The following CLHC1 variants were observed in gnomAD, a reference collection of about 807,000 sequenced individuals.
CLHC1 encodes clathrin heavy chain linker domain-containing protein 1.
In CLHC1, 72 loss-of-function variants were observed where a neutral mutation model predicts 69.5. The ratio of observed to expected loss-of-function variants is 1.04; its 90% CI spans 0.86 to 1.26. The LOEUF (loss-of-function observed/expected upper bound fraction) is 1.26. CLHC1 is among the 50% of genes most tolerant of loss of function. The pLI is 0.00. For missense variants in CLHC1, 790 were observed against 679.3 expected (o/e 1.16, Z -1.81); for synonymous variants, 223 against 224.3 (o/e 0.99, Z 0.05).
In CLHC1 at chr2:55,204,072, G is replaced by T. The variant is rs181521574; in HGVS notation, c.1006+2198C>A. 3.6e-4 allele frequency among the ~76,000 whole-genome samples: 55 copies of T among 152,290 alleles called. 1 individual carries two copies. Among genetic ancestry groups the T allele is most frequent in the African/African-American group, 1.2e-3 (49 of 41,548 alleles). On this transcript the variant is annotated intron_variant, in intron 9 of 12. Coordinates refer to ENST00000401408, the MANE Select transcript of CLHC1 (RefSeq NM_152385.4). ...GGCCAAGGCAGGTGGATCACCTAAGGTCAGGAGTTAGAGACCAGCCTGACC... is the reference window on the plus strand; with the variant it reads ...GGCCAAGGCAGGTGGATCACCTAAGTTCAGGAGTTAGAGACCAGCCTGACC...
intron 9 of CLHC1, among the ~76,000 whole-genome samples, chr2:55,204,201 T>C (rs928910527): frequency 1.3e-4 from 20 of 152,246 alleles, no homozygotes; most frequent in Admixed American, 2.0e-4. Flanking sequence ...GGAGAATCAC[T>C]TGGACCTGGG....
intron 5 of CLHC1, among the ~76,000 whole-genome samples, chr2:55,210,721 C>G (rs998833541): frequency 2.6e-5 from 4 of 152,162 alleles, no homozygotes; most frequent in African/African-American, 7.2e-5. Flanking sequence ...ATAGCTAACC[C>G]CAGAGTAATC....
chr2:55,203,433 A>T (rs1231844854), intron 9 of CLHC1, among the ~76,000 whole-genome samples: 1 of 152,240 alleles, frequency 6.6e-6, no homozygotes, highest in Non-Finnish European at 1.5e-5. Context: ...ATAGTAACCA[A>T]AACAGCACGG....
intron 9 of CLHC1, among the ~76,000 whole-genome samples, chr2:55,198,432 C>T (rs1473657372): frequency 6.6e-6 from 1 of 151,918 alleles, no homozygotes; most frequent in Non-Finnish European, 1.5e-5. Context: ...CTAAAAAATA[C>T]AAAAATTAGC....
At chr2:55,176,148 C>T (rs546681308) in intron 12 of CLHC1, among the ~76,000 whole-genome samples, 162 bp from the exon 13 acceptor site, 183 of 152,166 alleles carry the variant, frequency 1.2e-3, no homozygotes, top group Non-Finnish European at 2.2e-3. Context: ...CTCAGTCAAG[C>T]TCATGGTAAG....
intron 9 of CLHC1, among the ~76,000 whole-genome samples, chr2:55,195,113 T>A (rs143364963): frequency 6.6e-5 from 10 of 152,250 alleles, no homozygotes; most frequent in African/African-American, 2.4e-4. Context: ...ATAGTATTAT[T>A]AACTATAGTC....
chr2:55,213,228 G>A (rs983817008), intron 4 of CLHC1, among the ~76,000 whole-genome samples: 6 of 152,138 alleles, frequency 3.9e-5, no homozygotes, highest in East Asian at 1.9e-4. Context: ...CAGTATCACC[G>A]GACCAAAATC....
intron 9 of CLHC1, among the ~76,000 whole-genome samples, chr2:55,184,071 G>A (rs1647160453): frequency 1.3e-5 from 2 of 150,278 alleles, no homozygotes; most frequent in South Asian, 4.2e-4. Context: ...GAGCTACCAT[G>A]CTCGGCCTGT....
chr2:55,227,677 C>CAG, intron 2 of CLHC1, among the ~76,000 whole-genome samples: 1 of 127,682 alleles, frequency 7.8e-6, no homozygotes, highest in East Asian at 2.3e-4. Flanking sequence ...GACTCCATCT[C>CAG]AAAAAAAAAA....
chr2:55,215,908 A>G (rs1171485887), intron 4 of CLHC1: 1 of 152,108 alleles, frequency 6.6e-6, no homozygotes, highest in African/African-American at 2.4e-5. Flanking sequence ...AGGAAGGTCT[A>G]TCTCAACATC....
Position 55,175,704 on chromosome 2 carries a change from A to T in CLHC1, c.*86T>A. On this transcript the variant is annotated 3_prime_UTR_variant, in exon 13 of 13. Coordinates refer to ENST00000401408, the MANE Select transcript of CLHC1 (RefSeq NM_152385.4). The stretch of plus-strand genomic sequence containing the variant: ...AGATCTTCTTACTCTAGATTTATTT[A>T]TAAGTTAGTTACGTTAAAATCAGTT... 1.2e-6 allele frequency: 1 copy of T among 805,990 alleles called. No homozygotes were observed. The highest frequency in any genetic ancestry group is 2.0e-6 in the Non-Finnish European group (1 of 506,508). 49.9% of individuals were successfully genotyped at this position (805,990 alleles called of 1,614,324 possible).
At chr2:55,194,962 T>C (rs1186121631) in intron 9 of CLHC1, among the ~76,000 whole-genome samples, 2 of 151,998 alleles carry the variant, frequency 1.3e-5, no homozygotes, top group Middle Eastern at 3.4e-3. Flanking sequence ...CTGTCGCCAG[T>C]CTGGAGTACA....
Position 55,175,590 on chromosome 2 carries a change from A to C in CLHC1, c.*200T>G, listed in dbSNP as rs1162069302. The C allele has an allele frequency of 1.9e-6, 1 of 521,866 alleles. No homozygotes were observed. The highest frequency in any genetic ancestry group is 1.9e-5 in the African/African-American group (1 of 52,990). 32.3% of individuals were successfully genotyped at this position (521,866 alleles called of 1,614,324 possible). A position where few individuals can be genotyped will look rare whatever the true frequency, so the allele number is the denominator to read the frequency against. The stretch of plus-strand genomic sequence containing the variant: ...GATTTTATCAAGATTCAATATAAGA[A>C]ATGACCATATGGGGAAAAGGAAGCA... On this transcript the variant is annotated 3_prime_UTR_variant, in exon 13 of 13. Transcript: ENST00000401408.
Position 55,187,279 on chromosome 2 carries a change from CAAATAAAATA to C in CLHC1, c.1007-5545_1007-5536del, listed in dbSNP as rs58159859. 6.4e-3 allele frequency among the ~76,000 whole-genome samples: 817 copies of C among 127,370 alleles called. 6 individuals carry two copies. Among genetic ancestry groups the C allele is most frequent in the Middle Eastern group, 0.025 (6 of 238 alleles). The allele number at this position is 127,370 out of a possible 152,430, so 83.6% of individuals were successfully genotyped here. On this transcript the variant is annotated intron_variant, in intron 9 of 12. Coordinates refer to ENST00000401408, the MANE Select transcript of CLHC1 (RefSeq NM_152385.4). ...CGGCAACAAGAGCAAAACTCCATCT[CAAATAAAATA>C]AAATAAAATAAAATAAAATAAAATA...
At chr2:55,217,047 T>C (rs1206797765) in intron 4 of CLHC1, among the ~76,000 whole-genome samples, 2 of 151,584 alleles carry the variant, frequency 1.3e-5, no homozygotes, top group Non-Finnish European at 2.9e-5. Context: ...ATACAAAAAT[T>C]AGCCAGGCGT....
intron 9 of CLHC1, among the ~76,000 whole-genome samples, chr2:55,203,832 C>G (rs1672188547): frequency 6.6e-6 from 1 of 152,138 alleles, no homozygotes; most frequent in South Asian, 2.1e-4. Context: ...AGGTAAAAAG[C>G]TTCTGCACAG....
At chr2:55,193,473 A>G (rs1400037212) in intron 9 of CLHC1, among the ~76,000 whole-genome samples, 1 of 152,180 alleles carries the variant, frequency 6.6e-6, no homozygotes, top group Non-Finnish European at 1.5e-5. Flanking sequence ...ACAATTTACA[A>G]ATGAGCAAAG....
chr2:55,227,329 G>C (rs1370417898), intron 2 of CLHC1, among the ~76,000 whole-genome samples: 1 of 151,866 alleles, frequency 6.6e-6, no homozygotes, highest in East Asian at 1.9e-4. Context: ...TAAGGTCCCT[G>C]GCTCCTTGAA....
At chr2:55,217,523 C>CAAAAAAAA in intron 4 of CLHC1, among the ~76,000 whole-genome samples, 2 of 20,340 alleles carry the variant, frequency 9.8e-5, no homozygotes, top group African/African-American at 1.7e-4. Flanking sequence ...AACCCTGTCT[C>CAAAAAAAA]AAAAAAAAAA....
Sources: gnomAD v4.1 joint callset for allele counts (sites outside exome capture counted in the v4.1 genomes callset) on GRCh38, gnomAD v4.1.1 for gene constraint, MANE v1.5 for transcripts, NCBI Gene and HGNC (gene_info 2026-07-23, HGNC 2026-07-21) for gene names.